Variants in TNFRSF14 observed in about 807,000 individuals in gnomAD.
TNFRSF14 encodes tumor necrosis factor receptor superfamily member 14.
Under a neutral mutation model 34.1 loss-of-function variants are expected in TNFRSF14, and 18 were observed. The observed-to-expected ratio is 0.53, with a 90% CI of 0.36 to 0.78. The LOEUF (loss-of-function observed/expected upper bound fraction) is 0.78. Among genes scored for constraint, TNFRSF14 ranks in the 30% least tolerant of loss-of-function variants. The probability of loss-of-function intolerance (pLI) is 0.00; values close to 1 mark genes in which losing one functional copy is unlikely to be tolerated. For synonymous variants in TNFRSF14, 157 were observed against 153.2 expected (o/e 1.02, Z -0.18); for missense variants, 352 against 379.5 (o/e 0.93, Z 0.60).
In TNFRSF14 at chr1:2,557,708, C is replaced by T. The variant is rs1292341020; in HGVS notation, c.70-18C>T. The T allele has an allele frequency of 1.3e-6, 2 of 1,575,066 alleles. No individual in the cohort carries two copies. The highest frequency in any genetic ancestry group is 1.8e-5 in the Admixed American group (1 of 56,422). On this transcript the variant is annotated intron_variant, in intron 1 of 7. Transcript: ENST00000355716. ...GGGCAGCCAGGGCATCTCCCAATGC[C>T]TGTCCTGACCCCCTTAGGTGCTGTA... is the stretch of plus-strand genomic sequence containing the variant.
At position 2,561,957 on chromosome 1, in the gene TNFRSF14, G is replaced by A; in HGVS notation, c.694+142G>A. 1.0e-6 allele frequency: 1 copy of A among 954,818 alleles called. No individual in the cohort carries two copies. The highest frequency in any genetic ancestry group is 1.6e-6 in the Non-Finnish European group (1 of 638,174). The allele number at this position is 954,818 out of a possible 1,614,324, so 59.1% of individuals were successfully genotyped here. A position where few individuals can be genotyped will look rare whatever the true frequency, so the allele number is the denominator to read the frequency against. ...AGGGCAGCCACTGCAGGCTGGGGCA[G>A]GTGGGCTTTCTGCTGTGGCCAGAGC... On this transcript the variant is annotated intron_variant, in intron 6 of 7. Coordinates refer to ENST00000355716, the MANE Select transcript of TNFRSF14 (RefSeq NM_003820.4). The surrounding 1 kb of genome is among the most constrained non-coding windows in gnomAD (Gnocchi z 6.0).
At chr1:2,559,498 G>T in intron 3 of TNFRSF14, 1 of 1,468,044 alleles carries the variant, frequency 6.8e-7, no homozygotes, top group Non-Finnish European at 9.1e-7. Flanking sequence ...GCGAGGACCT[G>T]CCTGCGGGAC....
At position 2,561,009 on chromosome 1, in the gene TNFRSF14, G is replaced by A; in HGVS notation, c.551+295G>A. On this transcript the variant is annotated intron_variant, in intron 5 of 7. Coordinates refer to ENST00000355716, the MANE Select transcript of TNFRSF14 (RefSeq NM_003820.4). The surrounding 1 kb of genome is among the most constrained non-coding windows in gnomAD (Gnocchi z 6.0). ...CTGCCTCCAGATCCCCTGTCCCCTG[G>A]GGCTGTGGGTGTCCCTGAATGTCAG... The A allele has an allele frequency of 6.8e-6, 3 of 441,690 alleles. No homozygotes were observed. The highest frequency in any genetic ancestry group is 8.0e-5 in the South Asian group (2 of 24,922). The allele number at this position is 441,690 out of a possible 1,614,324, so 27.4% of individuals were successfully genotyped here. A position where few individuals can be genotyped will look rare whatever the true frequency, so the allele number is the denominator to read the frequency against.
chr1:2,556,284 T>TG (rs1408542458), upstream of TNFRSF14: 6 of 558,122 alleles, frequency 1.1e-5, no homozygotes, highest in Non-Finnish European at 2.0e-5. Flanking sequence ...AGATGGACTT[T>TG]GGGGGGCTCC....
In TNFRSF14 at chr1:2,558,288, G is replaced by A. The variant is rs1008990225; in HGVS notation, c.179-55G>A. 1.7e-5 allele frequency: 26 copies of A among 1,551,984 alleles called. No homozygotes were observed. In the East Asian group the frequency reaches 4.3e-4, roughly 26 times the overall value. ...CTGGGCGCGGGTGGAGTGATGGGTG[G>A]GCTCCCGAAGGGGCCTCCCGCAGAC... is the stretch of plus-strand genomic sequence containing the variant. On this transcript the variant is annotated intron_variant, in intron 2 of 7. Transcript: ENST00000355716.
chr1:2,560,414 G>A lies in TNFRSF14; in HGVS notation c.461-210G>A, dbSNP rs980441191. 2.7e-5 allele frequency: 16 copies of A among 582,662 alleles called. 1 individual carries two copies. In the South Asian group the frequency reaches 3.0e-4, roughly 11 times the overall value. The allele number at this position is 582,662 out of a possible 1,614,324, so 36.1% of individuals were successfully genotyped here. ...CACAGAGGGACTCCCGGACTCATGA[G>A]ATCCCAGCTACTCAAGGCCGGGACA... is the stretch of plus-strand genomic sequence containing the variant. On this transcript the variant is annotated intron_variant, in intron 4 of 7. Coordinates refer to ENST00000355716, the MANE Select transcript of TNFRSF14 (RefSeq NM_003820.4).
Position 2,563,448 on chromosome 1 carries a change from G to A in TNFRSF14, c.*175G>A, listed in dbSNP as rs1644341619. On this transcript the variant is annotated 3_prime_UTR_variant, in exon 8 of 8. Transcript: ENST00000355716. ...CCCCTGCTGGGGTAGAGCTGGGGAC[G>A]CCACGTGCCATTCCCATGGGCCAGT... is the stretch of plus-strand genomic sequence containing the variant. 9.9e-6 allele frequency: 10 copies of A among 1,007,732 alleles called. No homozygotes were observed. The highest frequency in any genetic ancestry group is 2.9e-5 in the Admixed American group (1 of 34,840). 62.4% of individuals were successfully genotyped at this position (1,007,732 alleles called of 1,614,324 possible). A position where few individuals can be genotyped will look rare whatever the true frequency, so the allele number is the denominator to read the frequency against.
Position 2,563,236 on chromosome 1 carries a change from C to T in TNFRSF14, c.815C>T (p.Thr272Ile), listed in dbSNP as rs748644070. The T allele has an allele frequency of 4.3e-6, 7 of 1,613,492 alleles. No homozygotes were observed. Among genetic ancestry groups the T allele is most frequent in the Non-Finnish European group, 5.9e-6 (7 of 1,180,004 alleles). The change falls in exon 8 of 8, where the codon ACA (threonine) becomes ATA (isoleucine). Residue 272 changes from threonine (T) to isoleucine (I), a missense_variant. Transcript: ENST00000355716. ...GTCACCACGGTGGCCGTGGAGGAGA[C>T]AATACCCTCATTCACGGGGAGGAGC... ...PDVTTVAVEETIPSFTGRSPN... is the reference protein window; with the variant it reads ...PDVTTVAVEEIIPSFTGRSPN...
At position 2,563,200 on chromosome 1, in the gene TNFRSF14, C is replaced by T. The variant is rs1459635172; in HGVS notation, c.779C>T (p.Ala260Val). The T allele has an allele frequency of 3.1e-6, 5 of 1,613,382 alleles. No individual in the cohort carries two copies. The highest frequency in any genetic ancestry group is 4.2e-6 in the Non-Finnish European group (5 of 1,180,018). The change falls in exon 8 of 8, where the codon GCC (alanine) becomes GTC (valine). Residue 260 changes from alanine (A) to valine (V), a missense_variant. Physicochemically the swap from Ala to Val is moderately conservative, Grantham distance 64. Coordinates refer to ENST00000355716, the MANE Select transcript of TNFRSF14 (RefSeq NM_003820.4). ...GCCACAGTCATTGAGGCCCTGCAGG[C>T]CCCTCCGGACGTCACCACGGTGGCC... ...GEATVIEALQ[A>V]PPDVTTVAVE... is the part of the protein sequence containing the mutation.
At position 2,563,280 on chromosome 1, in the gene TNFRSF14, G is replaced by A. The variant is rs1644337902; in HGVS notation, c.*7G>A. 6.2e-7 allele frequency: 1 copy of A among 1,612,894 alleles called. No homozygotes were observed. The highest frequency in any genetic ancestry group is 1.3e-5 in the African/African-American group (1 of 74,948). ...GAGGAGCCCAAACCACTGACCCACA[G>A]ACTCTGCACCCCGACGCCAGAGATA... On this transcript the variant is annotated 3_prime_UTR_variant, in exon 8 of 8. Coordinates refer to ENST00000355716, the MANE Select transcript of TNFRSF14 (RefSeq NM_003820.4).
rs922357888 is a variant in TNFRSF14, at chr1:2,561,288, C to T, written c.552-385C>T. On this transcript the variant is annotated intron_variant, in intron 5 of 7. Transcript: ENST00000355716. This position sits in a 1 kb window ranked among gnomAD's most constrained non-coding sequence, Gnocchi z 6.0. The stretch of plus-strand genomic sequence containing the variant: ...TCCTCTGGCCCCAGCTCAGTCCTGT[C>T]CATCTCCAGCTCTAACCATTTTTGT... 1.4e-5 allele frequency: 8 copies of T among 569,558 alleles called. No homozygotes were observed. The highest frequency in any genetic ancestry group is 1.3e-4 in the African/African-American group (7 of 53,402). The allele number at this position is 569,558 out of a possible 1,614,324, so 35.3% of individuals were successfully genotyped here. A position where few individuals can be genotyped will look rare whatever the true frequency, so the allele number is the denominator to read the frequency against.
intron 6 of TNFRSF14, 22 bp from the exon 7 acceptor site, chr1:2,562,843 C>T (rs986849021): frequency 1.2e-6 from 2 of 1,613,884 alleles, no homozygotes; most frequent in African/African-American, 1.3e-5. Context: ...CCCTCCCTGA[C>T]CTGTGTGTCT....
chr1:2,556,489 C>T lies in TNFRSF14; in HGVS notation c.-176C>T. On this transcript the variant is annotated 5_prime_UTR_variant, in exon 1 of 8. Coordinates refer to ENST00000355716, the MANE Select transcript of TNFRSF14 (RefSeq NM_003820.4). ...AGCCCCTCTCTGCTGCCAGACACCC[C>T]CTGCTGCCCACTCTCCTGCTGCTCG... The T allele has an allele frequency of 1.4e-6, 1 of 731,298 alleles. No individual in the cohort carries two copies. The highest frequency in any genetic ancestry group is 1.5e-5 in the South Asian group (1 of 67,352). The allele number at this position is 731,298 out of a possible 1,614,324, so 45.3% of individuals were successfully genotyped here.
At position 2,561,735 on chromosome 1, in the gene TNFRSF14, T is replaced by C. The variant is rs749363055; in HGVS notation, c.614T>C (p.Phe205Ser). 3 of 1,613,536 alleles carry C rather than the reference T, an allele frequency of 1.9e-6. No individual in the cohort carries two copies. In the African/African-American group the frequency reaches 4.0e-5, roughly 22 times the overall value. Residue 205 changes from phenylalanine (F) to serine (S), a missense_variant, in exon 6 of 8, where the codon TTT becomes TCT. Coordinates refer to ENST00000355716, the MANE Select transcript of TNFRSF14 (RefSeq NM_003820.4). This position sits in a 1 kb window ranked among gnomAD's most constrained non-coding sequence, Gnocchi z 6.0. ...GTSSSHWVWWFLSGSLVIVIV... is the reference protein window; with the variant it reads ...GTSSSHWVWWSLSGSLVIVIV... ...AGCAGCTCCCACTGGGTATGGTGGT[T>C]TCTCTCAGGGAGCCTCGTCATCGTC...
At chr1:2,558,292 C>T (rs1019852114) in intron 2 of TNFRSF14, 51 bp from the exon 3 acceptor site, 1 of 1,559,298 alleles carries the variant, frequency 6.4e-7, no homozygotes. Context: ...TGGGTGGGCT[C>T]CCGAAGGGGC....
chr1:2,561,569 G>A lies in TNFRSF14; in HGVS notation c.552-104G>A, dbSNP rs1411802989. On this transcript the variant is annotated intron_variant, in intron 5 of 7. Coordinates refer to ENST00000355716, the MANE Select transcript of TNFRSF14 (RefSeq NM_003820.4). This position sits in a 1 kb window ranked among gnomAD's most constrained non-coding sequence, Gnocchi z 6.0. ...CACCAGCCCAGCCTCCCTGGGACCT[G>A]TCTTCACTGCCTGGGGCCCTGGGAG... 1.3e-6 allele frequency: 2 copies of A among 1,589,608 alleles called. No individual in the cohort carries two copies. Among genetic ancestry groups the A allele is most frequent in the Admixed American group, 1.8e-5 (1 of 55,684 alleles).
At chr1:2,563,106 G>A (rs1644334669) in intron 7 of TNFRSF14, 42 bp from the exon 8 acceptor site, 2 of 1,608,482 alleles carry the variant, frequency 1.2e-6, no homozygotes, top group Non-Finnish European at 1.7e-6. Context: ...AGTCCCAGGG[G>A]GGCCTGAGCA....
Position 2,563,242 on chromosome 1 carries a change from C to G in TNFRSF14, c.821C>G (p.Pro274Arg), listed in dbSNP as rs746587190. ...ACGGTGGCCGTGGAGGAGACAATAC[C>G]CTCATTCACGGGGAGGAGCCCAAAC... ...VTTVAVEETI[P>R]SFTGRSPNH The change falls in exon 8 of 8, where the codon CCC (proline) becomes CGC (arginine). Residue 274 changes from proline to arginine, a missense_variant. Pro to Arg is a moderately radical substitution (Grantham distance 103). Transcript: ENST00000355716. 6.2e-7 allele frequency: 1 copy of G among 1,613,484 alleles called. No homozygotes were observed. Among genetic ancestry groups the G allele is most frequent in the South Asian group, 1.1e-5 (1 of 91,084 alleles).
intron 6 of TNFRSF14, chr1:2,562,628 G>T: frequency 1.6e-6 from 1 of 614,724 alleles, no homozygotes; most frequent in Non-Finnish European, 2.9e-6. Context: ...CAGCTGGGGA[G>T]GTGGGCCGGG....
Sources: gnomAD v4.1 joint callset for allele counts on GRCh38, gnomAD v4.1.1 for gene constraint, Gnocchi (gnomAD v3.1) non-coding constraint, MANE v1.5 for transcripts, NCBI Gene and HGNC (gene_info 2026-07-23, HGNC 2026-07-21) for gene names.